Variants in ANXA8 observed in about 807,000 individuals in gnomAD.
ANXA8 encodes VAC-beta.
A neutral mutation model predicts 26.8 loss-of-function variants in ANXA8; 9 were observed. The observed-to-expected ratio is 0.34, with a 90% CI of 0.20 to 0.59. The LOEUF (loss-of-function observed/expected upper bound fraction) is 0.59. ANXA8 is among the 20% of genes least tolerant of loss of function. ANXA8 has a pLI of 0.84. For synonymous variants in ANXA8, 39 were observed against 94.8 expected, an observed-to-expected ratio of 0.41 and a Z score of 3.42; for missense variants, 83 against 238.5, an observed-to-expected ratio of 0.35 and a Z score of 4.29.
At chr10:47,673,261 A>G in the ANXA8 span, among the ~76,000 whole-genome samples, 1 of 151,632 alleles carries the variant, frequency 6.6e-6, no homozygotes, top group African/African-American at 2.4e-5. Context: ...TACCTGAGGC[A>G]TTTGGAACCT....
chr10:47,613,941 G>C, the ANXA8 span, among the ~76,000 whole-genome samples: 1 of 72,884 alleles, frequency 1.4e-5, no homozygotes, highest in East Asian at 2.7e-4. Flanking sequence ...TAACAGGCCC[G>C]GTACCAGTTT....
chr10:47,511,117 G>A, the ANXA8 span, among the ~76,000 whole-genome samples: 1 of 129,670 alleles, frequency 7.7e-6, no homozygotes, highest in Non-Finnish European at 1.6e-5. Flanking sequence ...CTAACTTTTT[G>A]TATTTTTAGT....
At chr10:47,696,651 T>G in the ANXA8 span, 2 of 437,254 alleles carry the variant, frequency 4.6e-6, no homozygotes, top group African/African-American at 4.1e-5. Context: ...TTAGTAAGAA[T>G]GAAAATAGAA....
At chr10:47,576,433 A>T in the ANXA8 span, among the ~76,000 whole-genome samples, 1 of 140,602 alleles carries the variant, frequency 7.1e-6, no homozygotes, top group Non-Finnish European at 1.6e-5. Context: ...CCTAATCCAT[A>T]GTCATGCAGA....
chr10:47,700,483 C>A, the ANXA8 span, among the ~76,000 whole-genome samples: 8 of 151,824 alleles, frequency 5.3e-5, no homozygotes, highest in African/African-American at 1.9e-4. Flanking sequence ...ACGTATCTCA[C>A]AACAAACAGT....
At chr10:47,744,213 G>A in the ANXA8 span, among the ~76,000 whole-genome samples, 1 of 149,096 alleles carries the variant, frequency 6.7e-6, no homozygotes, top group African/African-American at 2.5e-5. Flanking sequence ...CCAGGCTGCG[G>A]GAATGTTGCG....
the ANXA8 span, among the ~76,000 whole-genome samples, chr10:47,646,686 A>G: frequency 0.1 from 15,518 of 148,138 alleles, 2,408 homozygotes; most frequent in African/African-American, 0.38. Context: ...TTCATCTGTA[A>G]CCAACCAAGC....
the ANXA8 span, chr10:47,502,891 A>T: frequency 1.3e-5 from 21 of 1,604,576 alleles, no homozygotes; most frequent in Non-Finnish European, 1.7e-5. Context: ...GGCAGACACA[A>T]TCATAAAGTT....
chr10:47,570,391 A>G, the ANXA8 span, among the ~76,000 whole-genome samples: 1 of 147,748 alleles, frequency 6.8e-6, no homozygotes, highest in Non-Finnish European at 1.5e-5. Flanking sequence ...GTTAAACAAA[A>G]TAAGGTCTAC....
chr10:47,502,396 G>A, the ANXA8 span: 20 of 1,610,012 alleles, frequency 1.2e-5, no homozygotes, highest in African/African-American at 2.4e-4. Flanking sequence ...GGGTAGTGGG[G>A]CCAGAAAGAG....
chr10:47,628,383 T>G, the ANXA8 span, among the ~76,000 whole-genome samples: 4 of 151,698 alleles, frequency 2.6e-5, no homozygotes, highest in African/African-American at 9.7e-5. Flanking sequence ...ATATTCAAGA[T>G]AAACATTTTT....
chr10:47,699,122 G>A, the ANXA8 span, among the ~76,000 whole-genome samples: 4 of 151,564 alleles, frequency 2.6e-5, no homozygotes, highest in African/African-American at 4.9e-5. Flanking sequence ...CAAGGTGGGC[G>A]GATCTCTTGA....
the ANXA8 span, among the ~76,000 whole-genome samples, chr10:47,736,745 C>G: frequency 4.1e-5 from 6 of 144,814 alleles, no homozygotes; most frequent in Non-Finnish European, 7.5e-5. Flanking sequence ...ACATCTGCCT[C>G]CTGGGTTCAA....
the ANXA8 span, among the ~76,000 whole-genome samples, chr10:47,657,921 C>T: frequency 0.012 from 1,817 of 151,706 alleles, 58 homozygotes; most frequent in African/African-American, 0.04. Flanking sequence ...TTGGTGCTGA[C>T]TTCTCCTGTT....
the ANXA8 span, among the ~76,000 whole-genome samples, chr10:47,989,224 T>C: frequency 2.2e-5 from 3 of 137,802 alleles, no homozygotes; most frequent in Non-Finnish European, 3.3e-5. Flanking sequence ...TGAGTGTTCC[T>C]GGAACGTTCC....
chr10:47,570,941 C>T, the ANXA8 span, among the ~76,000 whole-genome samples: 3 of 150,404 alleles, frequency 2.0e-5, no homozygotes, highest in African/African-American at 2.5e-5. Flanking sequence ...GGGCCTTTGA[C>T]GTGCCGCATA....
At chr10:47,626,522 T>C in the ANXA8 span, among the ~76,000 whole-genome samples, 2 of 149,916 alleles carry the variant, frequency 1.3e-5, 1 homozygote, top group African/African-American at 5.1e-5. Flanking sequence ...AAAGATTTTA[T>C]TCAGTTTTAG....
Position 47,478,592 on chromosome 10 carries a change from T to A in ANXA8, c.148A>T (p.Lys50Ter). 9.4e-7 allele frequency: 1 copy of A among 1,066,912 alleles called. No homozygotes were observed. The allele number at this position is 1,066,912 out of a possible 1,614,324, so 66.1% of individuals were successfully genotyped here. The change falls in exon 3 of 12, where the codon AAG becomes TAG. Residue 50 changes from lysine to a stop codon, truncating the protein, a stop_gained. Coordinates refer to ENST00000585281, the MANE Select transcript of ANXA8 (RefSeq NM_001040084.3). LOFTEE classifies it high-confidence loss of function. The part of the protein sequence containing the change: ...NEQAIIDVLT[K>*]RSNTQRQQIA... Reference sequence around the variant, plus strand: ...TGCTGCCGCTGCGTGTTGCTTCTCTTGGTGAGCACATCGATGATAGCCTGC... The same window carrying A: ...TGCTGCCGCTGCGTGTTGCTTCTCTAGGTGAGCACATCGATGATAGCCTGC...
the ANXA8 span, among the ~76,000 whole-genome samples, chr10:47,954,027 A>C: frequency 6.6e-6 from 1 of 150,830 alleles, no homozygotes; most frequent in Admixed American, 6.6e-5. Flanking sequence ...TGATCCAGCA[A>C]TCCTACTGGT....
Sources: allele counts gnomAD v4.1 joint callset (sites outside exome capture counted in the v4.1 genomes callset), GRCh38; gene constraint gnomAD v4.1.1; transcripts MANE v1.5; gene names NCBI Gene and HGNC (gene_info 2026-07-23, HGNC 2026-07-21).